Variants in TAFA2 observed in about 807,000 individuals in gnomAD.
TAFA2 encodes TAFA chemokine like family member 2.
In TAFA2, 7 loss-of-function variants were observed where a neutral mutation model predicts 18.8. The ratio of observed to expected loss-of-function variants is 0.37; its 90% CI spans 0.21 to 0.70. The LOEUF (loss-of-function observed/expected upper bound fraction) is 0.70. Among genes scored for constraint, TAFA2 ranks in the 30% least tolerant of loss-of-function variants. The probability of loss-of-function intolerance (pLI) is 0.53; values close to 1 mark genes in which losing one functional copy is unlikely to be tolerated. For missense variants in TAFA2, 122 were observed against 158.1 expected, an observed-to-expected ratio of 0.77 and a Z score of 1.23; for synonymous variants, 60 against 54.2, an observed-to-expected ratio of 1.11 and a Z score of -0.47.
chr12:62,056,057 A>C (rs565203249), intron 1 of TAFA2, among the ~76,000 whole-genome samples: 4 of 152,224 alleles, frequency 2.6e-5, no homozygotes, highest in Non-Finnish European at 4.4e-5. Flanking sequence ...CTAAAGTTCT[A>C]ACAAATATAG....
At chr12:61,908,352 A>T (rs1174163252) in intron 1 of TAFA2, among the ~76,000 whole-genome samples, 3 of 152,052 alleles carry the variant, frequency 2.0e-5, no homozygotes, top group African/African-American at 7.2e-5. Context: ...GTTTTATAAA[A>T]GGGCACTCCC....
At chr12:61,805,586 C>T (rs939047110) in intron 2 of TAFA2, among the ~76,000 whole-genome samples, 1 of 152,066 alleles carries the variant, frequency 6.6e-6, no homozygotes, top group Admixed American at 6.6e-5. Flanking sequence ...ATCATAGTAA[C>T]ACCATGGCTG....
At chr12:62,064,840 G>A (rs1221096833) in intron 1 of TAFA2, among the ~76,000 whole-genome samples, 1 of 151,856 alleles carries the variant, frequency 6.6e-6, no homozygotes, top group Non-Finnish European at 1.5e-5. Flanking sequence ...ATAATCCTCA[G>A]AACTTCCAAT....
At chr12:62,244,655 C>T (rs1263006351) in intron 1 of TAFA2, among the ~76,000 whole-genome samples, 1 of 151,952 alleles carries the variant, frequency 6.6e-6, no homozygotes, top group Non-Finnish European at 1.5e-5. Context: ...CCAAATTGTC[C>T]CCCAAAGTAG....
chr12:61,830,558 C>T (rs1294875262), intron 2 of TAFA2, among the ~76,000 whole-genome samples: 2 of 151,774 alleles, frequency 1.3e-5, no homozygotes, highest in African/African-American at 4.8e-5. Flanking sequence ...TACACATGGG[C>T]ATAGAGGGGA....
At chr12:62,058,896 G>A (rs758203827) in intron 1 of TAFA2, among the ~76,000 whole-genome samples, 8 of 152,230 alleles carry the variant, frequency 5.3e-5, no homozygotes, top group South Asian at 2.1e-4. Context: ...GAGGCCAGGC[G>A]ATCGAGACTA....
At chr12:62,128,343 C>A (rs1003863883) in intron 1 of TAFA2, among the ~76,000 whole-genome samples, 17 of 151,944 alleles carry the variant, frequency 1.1e-4, no homozygotes, top group African/African-American at 3.9e-4. Context: ...TGGTTTTGTA[C>A]TCAGATAATT....
chr12:61,888,687 A>C (rs1875496999), intron 1 of TAFA2, among the ~76,000 whole-genome samples: 1 of 152,214 alleles, frequency 6.6e-6, no homozygotes, highest in Admixed American at 6.5e-5. Flanking sequence ...CCAAGCAAGG[A>C]TGCAACAATC....
At chr12:61,932,005 TC>T (rs1877576469) in intron 1 of TAFA2, among the ~76,000 whole-genome samples, 1 of 152,196 alleles carries the variant, frequency 6.6e-6, no homozygotes, top group Non-Finnish European at 1.5e-5. Flanking sequence ...CATACCTTTT[TC>T]ACCTGAGCCA....
rs116414555 is a variant in TAFA2 at position 61,923,183 on chromosome 12, C to T, written c.-1-55757G>A. On this transcript the variant is annotated intron_variant, in intron 1 of 4. Transcript: ENST00000416284. ...GTAGGTGCAGCTTCAGCAGATGTTC[C>T]TGCCTGTCGGCTCTAAAGAGAGCAG... Among the ~76,000 whole-genome samples, 1,070 of 152,300 alleles carry T rather than the reference C, an allele frequency of 7.0e-3. 19 individuals carry two copies. The highest frequency in any genetic ancestry group is 0.024 in the African/African-American group (1,006 of 41,564).
chr12:61,921,915 G>GTCCTTCAA (rs2121367180), intron 1 of TAFA2, among the ~76,000 whole-genome samples: 1 of 152,260 alleles, frequency 6.6e-6, no homozygotes, highest in African/African-American at 2.4e-5. Flanking sequence ...AGAATGTGGT[G>GTCCTTCAA]TCCTTCAAGT....
At chr12:61,771,285 G>A (rs1870013090) in intron 2 of TAFA2, among the ~76,000 whole-genome samples, 1 of 151,604 alleles carries the variant, frequency 6.6e-6, no homozygotes, top group African/African-American at 2.4e-5. Flanking sequence ...AATAGTGGGG[G>A]ACTTCAATAC....
intron 4 of TAFA2, among the ~76,000 whole-genome samples, chr12:61,721,909 C>G (rs1042198906): frequency 7.3e-6 from 1 of 137,510 alleles, no homozygotes; most frequent in Non-Finnish European, 1.7e-5. Context: ...GAGCCAAGAT[C>G]ATGCCATTGC....
chr12:62,258,305 T>G (rs2062950278), intron 1 of TAFA2: 1 of 152,212 alleles, frequency 6.6e-6, no homozygotes, highest in East Asian at 1.9e-4. Flanking sequence ...AAATTGGCAT[T>G]GAATTTACAC....
chr12:61,982,876 C>CAAAAAAAA (rs3031097), intron 1 of TAFA2, among the ~76,000 whole-genome samples: 27,772 of 99,914 alleles, frequency 0.28, 5,449 homozygotes, highest in Non-Finnish European at 0.39. Context: ...AAGTGGAAGG[C>CAAAAAAAA]AAAAAAAAAA....
At chr12:61,926,456 G>A (rs905942850) in intron 1 of TAFA2, among the ~76,000 whole-genome samples, 2 of 151,892 alleles carry the variant, frequency 1.3e-5, no homozygotes, top group African/African-American at 4.8e-5. Context: ...AATAAAATAC[G>A]GGCAAACCAA....
intron 1 of TAFA2, among the ~76,000 whole-genome samples, chr12:62,119,954 T>A (rs561082738): frequency 2.0e-5 from 3 of 151,916 alleles, no homozygotes; most frequent in Non-Finnish European, 4.4e-5. Flanking sequence ...AAGCCTGTAA[T>A]CCCAGCTACT....
chr12:62,131,631 A>G (rs898645635), intron 1 of TAFA2, among the ~76,000 whole-genome samples: 12 of 152,042 alleles, frequency 7.9e-5, no homozygotes, highest in African/African-American at 2.9e-4. Flanking sequence ...ACGATTTAAA[A>G]AAAATTAATT....
chr12:62,121,325 A>G (rs964732032), intron 1 of TAFA2, among the ~76,000 whole-genome samples: 4 of 152,202 alleles, frequency 2.6e-5, no homozygotes, highest in Non-Finnish European at 4.4e-5. Context: ...TTTAAAAAGT[A>G]TAGTGCCACA....
Sources: gnomAD v4.1 joint callset for allele counts (sites outside exome capture counted in the v4.1 genomes callset) on GRCh38, gnomAD v4.1.1 for gene constraint, MANE v1.5 for transcripts, NCBI Gene and HGNC (gene_info 2026-07-23, HGNC 2026-07-21) for gene names.